The following CHN1 variants were observed in gnomAD, a reference collection of about 807,000 sequenced individuals.
CHN1 encodes N-chimaerin.
A neutral mutation model predicts 59.5 loss-of-function variants in CHN1; 37 were observed. The observed-to-expected ratio is 0.62, with a 90% CI of 0.48 to 0.82. CHN1 has a LOEUF of 0.82. Ranked by LOEUF, CHN1 falls within the 40% of genes least tolerant of loss-of-function variation. The pLI is 0.00. For synonymous variants in CHN1, 206 were observed against 200.4 expected, an observed-to-expected ratio of 1.03 and a Z score of -0.24; for missense variants, 469 against 571.0, an observed-to-expected ratio of 0.82 and a Z score of 1.82.
chr2:174,847,854 A>T (rs1288837269), intron 6 of CHN1: 2 of 437,894 alleles, frequency 4.6e-6, no homozygotes, highest in Non-Finnish European at 8.7e-6. Context: ...GCAAAATGGA[A>T]TTTTTTTAAC....
chr2:174,857,270 T>G (rs1278880136), intron 6 of CHN1, among the ~76,000 whole-genome samples: 2 of 152,172 alleles, frequency 1.3e-5, no homozygotes, highest in Non-Finnish European at 2.9e-5. Flanking sequence ...TTCGTGGGTC[T>G]CCCCTCACTT....
At chr2:174,931,033 G>A (rs1335346423) in intron 3 of CHN1, among the ~76,000 whole-genome samples, 1 of 152,012 alleles carries the variant, frequency 6.6e-6, no homozygotes, top group Non-Finnish European at 1.5e-5. Flanking sequence ...CTCCCAAAGT[G>A]CTGGGATTAT....
At chr2:174,994,534 C>T (rs1335505950) in intron 1 of CHN1, among the ~76,000 whole-genome samples, 1 of 152,072 alleles carries the variant, frequency 6.6e-6, no homozygotes, top group Non-Finnish European at 1.5e-5. Context: ...GAACTTCATC[C>T]AATGGGGGGA....
intron 1 of CHN1, among the ~76,000 whole-genome samples, chr2:174,957,542 A>G (rs73031935): frequency 0.12 from 17,536 of 151,910 alleles, 1,024 homozygotes; most frequent in Admixed American, 0.14. Flanking sequence ...ATTTGCCTGT[A>G]AGCATTCAAG....
intron 1 of CHN1, among the ~76,000 whole-genome samples, chr2:174,996,584 A>T (rs1249760074): frequency 6.6e-6 from 1 of 152,176 alleles, no homozygotes; most frequent in East Asian, 1.9e-4. Context: ...TGGCAGAGAA[A>T]GGAGTAAACA....
chr2:174,834,007 C>T (rs754651641), intron 7 of CHN1, among the ~76,000 whole-genome samples: 9 of 152,094 alleles, frequency 5.9e-5, no homozygotes, highest in South Asian at 2.1e-4. Flanking sequence ...AGTCTTGCCA[C>T]GTGCCTCAGG....
intron 3 of CHN1, among the ~76,000 whole-genome samples, chr2:174,930,204 T>C (rs1304039032): frequency 1.3e-5 from 2 of 152,176 alleles, no homozygotes; most frequent in Non-Finnish European, 2.9e-5. Context: ...AGGAGAGCCC[T>C]GACCAGGAGG....
Position 174,952,179 on chromosome 2 carries a change from C to A in CHN1, c.43G>T (p.Val15Phe). The A allele has an allele frequency of 1.4e-6, 2 of 1,458,168 alleles. No individual in the cohort carries two copies. The highest frequency in any genetic ancestry group is 9.1e-7 in the Non-Finnish European group (1 of 1,101,962). 90.3% of individuals were successfully genotyped at this position (1,458,168 alleles called of 1,614,324 possible). A position where few individuals can be genotyped will look rare whatever the true frequency, so the allele number is the denominator to read the frequency against. The change falls in exon 2 of 13, where the codon GTT becomes TTT. Residue 15 changes from valine (V) to phenylalanine (F), a missense_variant. Coordinates refer to ENST00000409900, the MANE Select transcript of CHN1 (RefSeq NM_001822.7). ...GTAGACTTACAGTAAGATTTCCAAA[C>A]AGGAGGTCTATATTCATCTGTATCT... ...LFDTDEYRPP[V>F]WKSYLYQLQQ...
intron 1 of CHN1, among the ~76,000 whole-genome samples, chr2:174,958,700 A>C (rs1574213281): frequency 6.6e-6 from 1 of 152,252 alleles, no homozygotes; most frequent in African/African-American, 2.4e-5. Context: ...AAAATGGAAT[A>C]ACAATATCAT....
At chr2:174,832,688 C>T (rs1428815293) in intron 7 of CHN1, among the ~76,000 whole-genome samples, 1 of 151,942 alleles carries the variant, frequency 6.6e-6, no homozygotes, top group African/African-American at 2.4e-5. Flanking sequence ...TGACTTTAAC[C>T]CTTCTACATT....
At chr2:174,826,482 T>C (rs980478337) in intron 7 of CHN1, among the ~76,000 whole-genome samples, 1 of 152,186 alleles carries the variant, frequency 6.6e-6, no homozygotes, top group Non-Finnish European at 1.5e-5. Context: ...AACCTCAGGA[T>C]AATCAGTATC....
At chr2:174,963,564 T>C (rs1215616281) in intron 1 of CHN1, among the ~76,000 whole-genome samples, 5 of 151,914 alleles carry the variant, frequency 3.3e-5, no homozygotes, top group Non-Finnish European at 5.9e-5. Flanking sequence ...CAATGCAGAG[T>C]GGCTGAAATA....
At chr2:174,955,201 ATTGATATATATATATATCTATAT>A (rs1352112102) in intron 1 of CHN1, among the ~76,000 whole-genome samples, 2 of 32,896 alleles carry the variant, frequency 6.1e-5, no homozygotes, top group African/African-American at 3.8e-4. Context: ...TATATATATA[ATTGATATATATATATATCTATAT>A]AGATATAGAT....
At chr2:174,936,218 A>T (rs1049605433) in intron 3 of CHN1, among the ~76,000 whole-genome samples, 1 of 152,142 alleles carries the variant, frequency 6.6e-6, no homozygotes, top group Non-Finnish European at 1.5e-5. Flanking sequence ...AACTTGAAAA[A>T]TGTGTCACAG....
chr2:174,933,031 C>T (rs142556561), intron 3 of CHN1, among the ~76,000 whole-genome samples: 1 of 152,138 alleles, frequency 6.6e-6, no homozygotes, highest in East Asian at 1.9e-4. Context: ...AATTAAGTAA[C>T]TGCCATCAAT....
chr2:174,877,778 A>G, intron 6 of CHN1, 62 bp downstream of exon 6: 1 of 1,473,660 alleles, frequency 6.8e-7, no homozygotes, highest in South Asian at 1.3e-5. Flanking sequence ...TTCTGGCAAT[A>G]ATGGCTTTCT....
At chr2:174,873,351 G>A (rs1687468373) in intron 6 of CHN1, among the ~76,000 whole-genome samples, 1 of 152,148 alleles carries the variant, frequency 6.6e-6, no homozygotes, top group Non-Finnish European at 1.5e-5. Flanking sequence ...TGACAAAAAA[G>A]GCCCAAAAGA....
chr2:174,996,449 T>C (rs1032555068), intron 1 of CHN1, among the ~76,000 whole-genome samples: 1 of 152,258 alleles, frequency 6.6e-6, no homozygotes, highest in African/African-American at 2.4e-5. Flanking sequence ...TTAGCTACTA[T>C]GTATCTTCAA....
At chr2:174,808,760 G>T in intron 11 of CHN1, 145 bp downstream of exon 11, 1 of 833,016 alleles carries the variant, frequency 1.2e-6, no homozygotes, top group Non-Finnish European at 1.9e-6. Context: ...AGAGAACAAT[G>T]CAAAATTCTT....
Sources: allele counts gnomAD v4.1 joint callset (sites outside exome capture counted in the v4.1 genomes callset), GRCh38; gene constraint gnomAD v4.1.1; transcripts MANE v1.5; gene names NCBI Gene and HGNC (gene_info 2026-07-23, HGNC 2026-07-21).